The following DNAH5 variants were observed in gnomAD, a reference collection of about 807,000 sequenced individuals.
DNAH5 encodes the protein axonemal beta dynein heavy chain 5.
Under a neutral mutation model 518.2 loss-of-function variants are expected in DNAH5, and 372 were observed. The observed-to-expected ratio is 0.72, with a 90% CI of 0.66 to 0.78. DNAH5 has a LOEUF of 0.78. Ranked by LOEUF, DNAH5 falls within the 30% of genes least tolerant of loss-of-function variation. The probability of loss-of-function intolerance (pLI) is 0.00; values close to 1 mark genes in which losing one functional copy is unlikely to be tolerated. For synonymous variants in DNAH5, 2,039 were observed against 2,025.9 expected (o/e 1.01, Z -0.17); for missense variants, 5,523 against 5,687.0 (o/e 0.97, Z 0.93).
rs202042219 is a variant in DNAH5, at chr5:13,817,579, C to T, written c.6957G>A (p.Thr2319=). 4.0e-5 allele frequency: 65 copies of T among 1,614,134 alleles called. 1 individual carries two copies. Among genetic ancestry groups the T allele is most frequent in the African/African-American group, 9.3e-5 (7 of 75,026 alleles). ...TNDWTDGIFS[T]LWRKTLRAKK... ...TTGCTCTTAATGTTTTCCTCCAAAG[C>T]GTAGAAAATATCCCATCAGTCCAGT... The change falls in exon 42 of 79, where the codon ACG becomes ACA. Residue 2319 remains threonine, a synonymous_variant. Transcript: ENST00000265104.
In DNAH5 at chr5:13,829,495, T is replaced by A. The variant is rs1414497146; in HGVS notation, c.6444+15A>T. 22 of 1,613,542 alleles carry A rather than the reference T, an allele frequency of 1.4e-5. No individual in the cohort carries two copies. Among genetic ancestry groups the A allele is most frequent in the Non-Finnish European group, 1.9e-5 (22 of 1,179,694 alleles). On this transcript the variant is annotated intron_variant, in intron 38 of 78. Transcript: ENST00000265104. ...GAAACATGCCTAAGTGCATAAGACCTCCAGGATGACACACCTGCTTAGAAA... is the reference window on the plus strand; with the variant it reads ...GAAACATGCCTAAGTGCATAAGACCACCAGGATGACACACCTGCTTAGAAA...
At chr5:13,729,777 C>T (rs1746242262) in intron 68 of DNAH5, among the ~76,000 whole-genome samples, 1 of 152,002 alleles carries the variant, frequency 6.6e-6, no homozygotes, top group Admixed American at 6.5e-5. Context: ...ACTTTGGAAC[C>T]AGGCAGATGC....
intron 47 of DNAH5, among the ~76,000 whole-genome samples, chr5:13,806,462 A>AT (rs1399903766): frequency 6.6e-6 from 1 of 152,236 alleles, no homozygotes; most frequent in Non-Finnish European, 1.5e-5. Context: ...AAATTAAGTG[A>AT]TAAAAAGTGG....
chr5:13,867,815 A>G lies in DNAH5; in HGVS notation c.4012T>C (p.Phe1338Leu), dbSNP rs1411373494. Residue 1338 changes from phenylalanine (F) to leucine (L), a missense_variant, in exon 25 of 79, where the codon TTC becomes CTC. Physicochemically the swap from Phe to Leu is conservative, Grantham distance 22 (BLOSUM62 0). Around this residue, in one of 3 missense-constraint regions of DNAH5, gnomAD observed 5,121 missense variants for 5,223.3 expected, o/e 0.98. Transcript: ENST00000265104. Reference protein sequence around the residue: ...KKELISAVEVFLQDCHQFYLD... With the variant: ...KKELISAVEVLLQDCHQFYLD... ...TAAAACTGGTGACAATCTTGGAGGA[A>G]TACCTCCACAGCACTAATAAGCTCT... The G allele has an allele frequency of 1.2e-6, 2 of 1,614,052 alleles. No homozygotes were observed. The highest frequency in any genetic ancestry group is 1.7e-6 in the Non-Finnish European group (2 of 1,179,956).
chr5:13,891,246 C>G, intron 16 of DNAH5, 125 bp from the exon 17 acceptor site: 1 of 970,946 alleles, frequency 1.0e-6, no homozygotes, highest in Non-Finnish European at 1.6e-6. Context: ...ACGTATGTTC[C>G]CCAGATCCCC....
chr5:13,810,476 C>T (rs2127017096), intron 44 of DNAH5: 1 of 586,192 alleles, frequency 1.7e-6, no homozygotes, highest in South Asian at 2.0e-5. Context: ...CACGGTGGCT[C>T]ATGCCTGTAC....
At chr5:13,939,618 GAA>G (rs1779275852) in intron 1 of DNAH5, among the ~76,000 whole-genome samples, 2 of 152,252 alleles carry the variant, frequency 1.3e-5, no homozygotes, top group South Asian at 4.1e-4. Context: ...CTCTCAGAGA[GAA>G]GAGGCTGCTC....
Position 13,770,800 on chromosome 5 carries a change from T to G in DNAH5, c.9554A>C (p.Tyr3185Ser). Residue 3185 changes from tyrosine (Y) to serine (S), a missense_variant, in exon 56 of 79, where the codon TAT becomes TCT. Physicochemically the swap from Tyr to Ser is moderately radical, Grantham distance 144. Around this residue, in one of 3 missense-constraint regions of DNAH5, gnomAD observed 5,121 missense variants for 5,223.3 expected, o/e 0.98. Transcript: ENST00000265104. ...PKSYLSFIQG[Y>S]KFIYGEKHVE... is the part of the protein sequence containing the mutation. ...ATGCTTTTCTCCATATATGAACTTA[T>G]AGCCCTGAATAAAGGAGAGGTATGA... is the stretch of plus-strand genomic sequence containing the variant. 6.2e-7 allele frequency: 1 copy of G among 1,614,080 alleles called. No homozygotes were observed. Among genetic ancestry groups the G allele is most frequent in the Non-Finnish European group, 8.5e-7 (1 of 1,179,976 alleles).
chr5:13,717,084 G>A (rs1744394798), intron 73 of DNAH5, among the ~76,000 whole-genome samples: 1 of 152,054 alleles, frequency 6.6e-6, no homozygotes, highest in Non-Finnish European at 1.5e-5. Context: ...CCTTGAGGCT[G>A]TCTTCTTTGG....
intron 28 of DNAH5, among the ~76,000 whole-genome samples, chr5:13,863,276 T>C (rs1415873357): frequency 6.6e-6 from 1 of 152,112 alleles, no homozygotes; most frequent in Non-Finnish European, 1.5e-5. Flanking sequence ...GGTGAGCTCA[T>C]TTACACCCAT....
chr5:13,725,049 C>T (rs1745539584), intron 70 of DNAH5, among the ~76,000 whole-genome samples: 2 of 152,224 alleles, frequency 1.3e-5, no homozygotes, highest in Admixed American at 1.3e-4. Context: ...TCTCCTCTGT[C>T]CCAGGCAGTG....
At chr5:13,738,449 G>A (rs1375659220) in intron 65 of DNAH5, among the ~76,000 whole-genome samples, 1 of 152,174 alleles carries the variant, frequency 6.6e-6, no homozygotes, top group African/African-American at 2.4e-5. Flanking sequence ...CAACTGAGCT[G>A]CAACTGTGAG....
intron 61 of DNAH5, among the ~76,000 whole-genome samples, chr5:13,758,073 T>C (rs1221927880): frequency 6.6e-6 from 1 of 151,720 alleles, no homozygotes; most frequent in African/African-American, 2.4e-5. Context: ...AGAGACCACT[T>C]TGTAAAAAAA....
intron 16 of DNAH5, among the ~76,000 whole-genome samples, chr5:13,892,220 G>GCAATAAAAT (rs1773342620): frequency 6.6e-6 from 1 of 152,176 alleles, no homozygotes; most frequent in Admixed American, 6.5e-5. Flanking sequence ...GTATGTGTGA[G>GCAATAAAAT]CAATAAAATT....
chr5:14,011,756 C>G (rs989560610), exon 1 of DNAH5, among the ~76,000 whole-genome samples: 1 of 152,184 alleles, frequency 6.6e-6, no homozygotes, highest in Non-Finnish European at 1.5e-5. Flanking sequence ...GTCTGCTCTC[C>G]GGAGTCCGCT....
At chr5:13,807,529 A>G in intron 47 of DNAH5, 62 bp downstream of exon 47, 2 of 1,528,438 alleles carry the variant, frequency 1.3e-6, no homozygotes, top group Admixed American at 3.4e-5. Flanking sequence ...AATAGTAGAG[A>G]TTTGAGCCTC....
At chr5:13,839,984 A>G (rs1213610298) in intron 34 of DNAH5, among the ~76,000 whole-genome samples, 1 of 152,218 alleles carries the variant, frequency 6.6e-6, no homozygotes, top group Non-Finnish European at 1.5e-5. Context: ...TATTTTTCCC[A>G]AGAATTACAT....
chr5:13,726,683 G>C (rs942384108), intron 70 of DNAH5, among the ~76,000 whole-genome samples: 2 of 152,168 alleles, frequency 1.3e-5, no homozygotes, highest in Non-Finnish European at 2.9e-5. Flanking sequence ...ATAAATCATT[G>C]AATCTGGTTG....
At position 13,786,264 on chromosome 5, in the gene DNAH5, A is replaced by G. The variant is rs1184306679; in HGVS notation, c.8735T>C (p.Met2912Thr). Residue 2912 changes from methionine (M) to threonine (T), a missense_variant, in exon 52 of 79, where the codon ATG (methionine) becomes ACG (threonine). This residue lies in a region of DNAH5 where 5,121 missense variants were observed against 5,223.3 expected (regional missense o/e 0.98). Coordinates refer to ENST00000265104, the MANE Select transcript of DNAH5 (RefSeq NM_001369.3). ...GCTCTCATTATAGAGCTGCAGGAACATATTCAGACGCTCTTTTAGGTGACT... is the reference window on the plus strand; with the variant it reads ...GCTCTCATTATAGAGCTGCAGGAACGTATTCAGACGCTCTTTTAGGTGACT... ...SFSHLKERLN[M>T]FLQLYNESIR... The G allele has an allele frequency of 3.1e-6, 5 of 1,613,980 alleles. No individual in the cohort carries two copies. Among genetic ancestry groups the G allele is most frequent in the South Asian group, 1.1e-5 (1 of 91,086 alleles).
Sources: allele counts gnomAD v4.1 joint callset (sites outside exome capture counted in the v4.1 genomes callset), GRCh38; gene constraint gnomAD v4.1.1; regional missense constraint gnomAD v4.1.1; transcripts MANE v1.5; gene names NCBI Gene and HGNC (gene_info 2026-07-23, HGNC 2026-07-21).